The following IL1RAPL1 variants were observed in gnomAD, a reference collection of about 807,000 sequenced individuals.
The protein encoded by IL1RAPL1 is interleukin 1 receptor accessory protein like 1, also known as interleukin-1 receptor accessory protein-like 1.
A neutral mutation model predicts 48.4 loss-of-function variants in IL1RAPL1; 3 were observed. That is an observed-to-expected ratio of 0.06 (90% CI 0.03 to 0.16). IL1RAPL1 has a LOEUF of 0.16. Ranked by LOEUF, IL1RAPL1 falls within the 10% of genes least tolerant of loss-of-function variation. The pLI is 1.00. For synonymous variants in IL1RAPL1, 185 were observed against 187.7 expected (o/e 0.99, Z 0.12); for missense variants, 349 against 530.6 (o/e 0.66, Z 3.36).
chrX:29,694,643 A>T (rs1230298617), intron 6 of IL1RAPL1, among the ~76,000 whole-genome samples: 1 of 111,563 alleles, frequency 9.0e-6, no homozygotes, highest in Non-Finnish European at 1.9e-5. Context: ...TTTCTGGCTC[A>T]TAAACAGTGC....
chrX:29,263,863 C>CA (rs1931905179), intron 2 of IL1RAPL1, among the ~76,000 whole-genome samples: 1 of 20,474 alleles, frequency 4.9e-5, no homozygotes, highest in African/African-American at 1.5e-4. Context: ...CTCTCTCTCC[C>CA]CCCCCCCCGC....
At chrX:28,669,883 G>C (rs2146913860) in intron 1 of IL1RAPL1, among the ~76,000 whole-genome samples, 1 of 107,993 alleles carries the variant, frequency 9.3e-6, no homozygotes, top group African/African-American at 3.4e-5. Context: ...AGGCTGGAAA[G>C]GATAGAACTT....
At chrX:28,674,769 C>T (rs1447619024) in intron 1 of IL1RAPL1, among the ~76,000 whole-genome samples, 1 of 111,442 alleles carries the variant, frequency 9.0e-6, no homozygotes, top group African/African-American at 3.3e-5. Flanking sequence ...ACTCTTAGCC[C>T]ATTGTAAAGT....
chrX:28,863,067 G>A (rs924568525), intron 2 of IL1RAPL1, among the ~76,000 whole-genome samples: 2 of 111,036 alleles, frequency 1.8e-5, no homozygotes, highest in African/African-American at 6.6e-5. Flanking sequence ...TTTTAGTAGA[G>A]ATGGGGTTTC....
intron 2 of IL1RAPL1, among the ~76,000 whole-genome samples, chrX:29,121,705 C>G (rs1181607592): frequency 8.9e-6 from 1 of 111,890 alleles, no homozygotes; most frequent in African/African-American, 3.2e-5. Flanking sequence ...TGAGACCACT[C>G]AGATAATCCA....
At chrX:29,853,404 G>C (rs193132575) in intron 6 of IL1RAPL1, among the ~76,000 whole-genome samples, 1 of 110,324 alleles carries the variant, frequency 9.1e-6, no homozygotes, top group Non-Finnish European at 1.9e-5. Context: ...GCTTTAGTAA[G>C]CCGTGATTGC....
chrX:28,678,571 A>G lies in IL1RAPL1; in HGVS notation c.-25+90524A>G, dbSNP rs773182874. Among the ~76,000 whole-genome samples, 421 of 111,786 alleles carry G rather than the reference A, an allele frequency of 3.8e-3. 1 individual carries two copies. The highest frequency in any genetic ancestry group is 6.9e-3 in the Non-Finnish European group (366 of 53,153). ...ATTTATATTTATAAATTGGTATTCTAAAGTCCCAATAGACCATAGAGAGAA... is the reference window on the plus strand; with the variant it reads ...ATTTATATTTATAAATTGGTATTCTGAAGTCCCAATAGACCATAGAGAGAA... On this transcript the variant is annotated intron_variant, in intron 1 of 10. Transcript: ENST00000378993.
intron 2 of IL1RAPL1, among the ~76,000 whole-genome samples, chrX:29,059,636 T>A (rs1927298533): frequency 8.9e-6 from 1 of 111,916 alleles, no homozygotes; most frequent in Non-Finnish European, 1.9e-5. Context: ...GAAACTTGAT[T>A]ATCCTGATTA....
At chrX:29,790,627 C>T (rs1329210422) in intron 6 of IL1RAPL1, among the ~76,000 whole-genome samples, 1 of 111,722 alleles carries the variant, frequency 9.0e-6, no homozygotes, top group Non-Finnish European at 1.9e-5. Context: ...ATTTTTAAAG[C>T]CAACAACCTT....
chrX:28,989,805 A>G (rs888528951), intron 2 of IL1RAPL1, among the ~76,000 whole-genome samples: 2 of 112,013 alleles, frequency 1.8e-5, no homozygotes, highest in Non-Finnish European at 3.8e-5. Flanking sequence ...TTTGGGGAAG[A>G]CAAACCTATA....
At chrX:28,820,145 G>GAAAACA (rs1376935743) in intron 2 of IL1RAPL1, among the ~76,000 whole-genome samples, 1 of 106,217 alleles carries the variant, frequency 9.4e-6, no homozygotes, top group Non-Finnish European at 2.0e-5. Context: ...TAAAAATGAT[G>GAAAACA]AAAACAAAAT....
chrX:28,728,114 A>C (rs1935704362), intron 1 of IL1RAPL1, among the ~76,000 whole-genome samples: 1 of 111,763 alleles, frequency 8.9e-6, no homozygotes, highest in Non-Finnish European at 1.9e-5. Flanking sequence ...TTTTCATTAG[A>C]GTGTATATGA....
chrX:29,766,419 T>A (rs1203025134), intron 6 of IL1RAPL1, among the ~76,000 whole-genome samples: 2 of 94,122 alleles, frequency 2.1e-5, no homozygotes, highest in African/African-American at 4.0e-5. Context: ...ATATATATAT[T>A]TATATATCCA....
At chrX:29,672,435 CCT>C (rs1471183131) in intron 6 of IL1RAPL1, among the ~76,000 whole-genome samples, 1 of 111,365 alleles carries the variant, frequency 9.0e-6, no homozygotes, top group African/African-American at 3.3e-5. Context: ...ACCTCTCTCT[CCT>C]CTCTTTTACC....
At chrX:29,900,797 T>C (rs1932482155) in intron 6 of IL1RAPL1, among the ~76,000 whole-genome samples, 1 of 111,892 alleles carries the variant, frequency 8.9e-6, no homozygotes, top group Non-Finnish European at 1.9e-5. Flanking sequence ...AGTGGGTATA[T>C]GGCCATGATT....
chrX:28,855,005 G>A (rs1921767057), intron 2 of IL1RAPL1, among the ~76,000 whole-genome samples: 1 of 107,649 alleles, frequency 9.3e-6, no homozygotes, highest in African/African-American at 3.3e-5. Context: ...GACATGCACA[G>A]CATCTTTTTT....
At chrX:28,727,583 T>C (rs1935693590) in intron 1 of IL1RAPL1, among the ~76,000 whole-genome samples, 2 of 104,078 alleles carry the variant, frequency 1.9e-5, no homozygotes, top group East Asian at 3.1e-4. Context: ...TGAATAGGAG[T>C]GGTGAGAGAG....
chrX:29,412,499 T>TTTAGTAA (rs1934157477), intron 5 of IL1RAPL1, among the ~76,000 whole-genome samples: 1 of 112,413 alleles, frequency 8.9e-6, no homozygotes, highest in African/African-American at 3.2e-5. Context: ...AAAATATCTC[T>TTTAGTAA]TTAGTAATTT....
chrX:28,672,187 T>C (rs1249603682), intron 1 of IL1RAPL1, among the ~76,000 whole-genome samples: 2 of 111,251 alleles, frequency 1.8e-5, no homozygotes, highest in Non-Finnish European at 3.8e-5. Context: ...CCAGACACAT[T>C]CCTGTGTGTT....
Sources: allele counts gnomAD v4.1 joint callset (sites outside exome capture counted in the v4.1 genomes callset), GRCh38; gene constraint gnomAD v4.1.1; transcripts MANE v1.5; gene names NCBI Gene and HGNC (gene_info 2026-07-23, HGNC 2026-07-21).